Variants in IL2RA observed in about 807,000 individuals in gnomAD.
IL2RA encodes the protein interleukin-2 receptor subunit alpha.
A neutral mutation model predicts 37.8 loss-of-function variants in IL2RA; 24 were observed. The ratio of observed to expected loss-of-function variants is 0.63; its 90% CI spans 0.46 to 0.89. The LOEUF (loss-of-function observed/expected upper bound fraction) is 0.89, where lower values mean the gene tolerates loss of function less well. Among genes scored for constraint, IL2RA ranks in the 40% least tolerant of loss-of-function variants. IL2RA has a pLI of 0.00. For missense variants in IL2RA, 319 were observed against 348.6 expected (o/e 0.92, Z 0.68); for synonymous variants, 125 against 114.6 (o/e 1.09, Z -0.58).
At position 6,047,753 on chromosome 10, in the gene IL2RA, A is replaced by G. The variant is rs1839888961; in HGVS notation, c.64+14335T>C. 6.7e-6 allele frequency among the ~76,000 whole-genome samples: 1 copy of G among 149,404 alleles called. No individual in the cohort carries two copies. Among genetic ancestry groups the G allele is most frequent in the Non-Finnish European group, 1.5e-5 (1 of 67,488 alleles). ...ATAATTATACAGATATATAATAAGC[A>G]ATTAGGGTATGTTATATAAAATACT... On this transcript the variant is annotated intron_variant, in intron 1 of 7. Coordinates refer to ENST00000379959, the MANE Select transcript of IL2RA (RefSeq NM_000417.3). This position sits in a 1 kb window ranked among gnomAD's most constrained non-coding sequence, Gnocchi z 5.0.
chr10:6,016,265 A>G (rs1277989802), intron 7 of IL2RA, among the ~76,000 whole-genome samples: 1 of 152,178 alleles, frequency 6.6e-6, no homozygotes. Context: ...CTGCCACAGG[A>G]TGACGTAGCA....
In IL2RA at chr10:6,025,844, G is replaced by A. The variant is rs774803573; in HGVS notation, c.246C>T (p.Cys82=). 2.5e-6 allele frequency: 4 copies of A among 1,614,104 alleles called. No individual in the cohort carries two copies. The Admixed American group carries it at 6.7e-5, about 27-fold the overall frequency. Residue 82 remains cysteine (C), a synonymous_variant, in exon 2 of 8, where the codon TGC becomes TGT. Coordinates refer to ENST00000379959, the MANE Select transcript of IL2RA (RefSeq NM_000417.3). The surrounding 1 kb of genome is among the most constrained non-coding windows in gnomAD (Gnocchi z 4.4). ...SHSSWDNQCQ[C]TSSATRNTTK... ...AGAAGGGACACTTACCAGAGCTTGT[G>A]CATTGACATTGGTTGTCCCAGGACG... is the stretch of plus-strand genomic sequence containing the variant.
At chr10:6,053,515 G>A (rs192088765) in intron 1 of IL2RA, among the ~76,000 whole-genome samples, 55 of 152,254 alleles carry the variant, frequency 3.6e-4, no homozygotes, top group Middle Eastern at 3.4e-3. Context: ...GCATGGGCCG[G>A]CTTTAACCAG....
chr10:6,018,684 A>G lies in IL2RA; in HGVS notation c.728-565T>C, dbSNP rs1307951238. ...CAGAGGCCCGGGGTACAGCCCTTCC[A>G]GATCAGCTTGAGAGGAGCTGATAGG... On this transcript the variant is annotated intron_variant, in intron 6 of 7. Transcript: ENST00000379959. The surrounding 1 kb of genome is among the most constrained non-coding windows in gnomAD (Gnocchi z 5.1). 6.6e-6 allele frequency among the ~76,000 whole-genome samples: 1 copy of G among 152,166 alleles called. No homozygotes were observed. The highest frequency in any genetic ancestry group is 1.5e-5 in the Non-Finnish European group (1 of 68,028).
At chr10:6,045,552 C>A (rs917538212) in intron 1 of IL2RA, among the ~76,000 whole-genome samples, 1 of 152,128 alleles carries the variant, frequency 6.6e-6, no homozygotes, top group African/African-American at 2.4e-5. Flanking sequence ...AAGCTCACCA[C>A]AGAATGTCAA....
rs1840007898 is a variant in IL2RA, at chr10:6,054,197, C to A, written c.64+7891G>T. On this transcript the variant is annotated intron_variant, in intron 1 of 7. Coordinates refer to ENST00000379959, the MANE Select transcript of IL2RA (RefSeq NM_000417.3). The surrounding 1 kb of genome is among the most constrained non-coding windows in gnomAD (Gnocchi z 4.5). ...GCAGGCGGAGCTGCTGGTCAAAAAC[C>A]CCCCGGGGAACTGGTTGGGTGTGGG... Among the ~76,000 whole-genome samples the A allele has an allele frequency of 6.6e-6, 1 of 152,188 alleles. No individual in the cohort carries two copies. Among genetic ancestry groups the A allele is most frequent in the Admixed American group, 6.5e-5 (1 of 15,278 alleles).
chr10:6,049,449 G>A (rs1357931249), intron 1 of IL2RA, among the ~76,000 whole-genome samples: 1 of 152,190 alleles, frequency 6.6e-6, no homozygotes, highest in East Asian at 1.9e-4. Flanking sequence ...CCCCCAGAGA[G>A]ACTGTTTAGC....
At chr10:6,027,377 CCAA>C (rs12722564) in intron 1 of IL2RA, among the ~76,000 whole-genome samples, 21,352 of 151,198 alleles carry the variant, frequency 0.14, 1,563 homozygotes, top group Non-Finnish European at 0.16. Flanking sequence ...CCATCTCTAA[CCAA>C]CAAGGGACTA....
At position 6,033,617 on chromosome 10, in the gene IL2RA, T is replaced by C. The variant is rs544283567; in HGVS notation, c.65-7592A>G. 5.3e-5 allele frequency among the ~76,000 whole-genome samples: 8 copies of C among 152,238 alleles called. No homozygotes were observed. The South Asian group carries it at 1.4e-3, about 28-fold the overall frequency. On this transcript the variant is annotated intron_variant, in intron 1 of 7. Coordinates refer to ENST00000379959, the MANE Select transcript of IL2RA (RefSeq NM_000417.3). This position sits in a 1 kb window ranked among gnomAD's most constrained non-coding sequence, Gnocchi z 4.3. The stretch of plus-strand genomic sequence containing the variant: ...ATAGAAACCATTCAAAAATAAAAAA[T>C]AATGAACTATTGATACAGGCAATAT...
rs1431908541 is a variant in IL2RA at position 6,056,151 on chromosome 10, T to A, written c.64+5937A>T. Among the ~76,000 whole-genome samples the A allele has an allele frequency of 6.6e-6, 1 of 152,170 alleles. No homozygotes were observed. Among genetic ancestry groups the A allele is most frequent in the African/African-American group, 2.4e-5 (1 of 41,438 alleles). ...TGAGTTACTTGAGAATATGGTGGGGTATTCAGTGGGGGCTATTGGCAAACA... is the reference window on the plus strand; with the variant it reads ...TGAGTTACTTGAGAATATGGTGGGGAATTCAGTGGGGGCTATTGGCAAACA... On this transcript the variant is annotated intron_variant, in intron 1 of 7. Transcript: ENST00000379959. This position sits in a 1 kb window ranked among gnomAD's most constrained non-coding sequence, Gnocchi z 5.0.
At chr10:6,039,742 T>C (rs956253476) in intron 1 of IL2RA, 3 of 152,240 alleles carry the variant, frequency 2.0e-5, no homozygotes, top group African/African-American at 7.2e-5. Flanking sequence ...AGATGCTCCG[T>C]CTGTAACACG....
At chr10:6,013,414 T>G (rs1839223995) in intron 7 of IL2RA, among the ~76,000 whole-genome samples, 1 of 152,238 alleles carries the variant, frequency 6.6e-6, no homozygotes, top group Non-Finnish European at 1.5e-5. Context: ...GGCTAGTGGC[T>G]ACTGTATTGG....
chr10:6,024,330 A>G lies in IL2RA; in HGVS notation c.281T>C (p.Val94Ala), dbSNP rs761978980. 3 of 1,613,806 alleles carry G rather than the reference A, an allele frequency of 1.9e-6. No homozygotes were observed. The South Asian group carries it at 3.3e-5, about 18-fold the overall frequency. Reference sequence around the variant, plus strand: ...TTTCTGTTCTTCAGGTTGAGGTGTCACTTGTTTCGTTGTGTTCCGAGTGGC... The same window carrying G: ...TTTCTGTTCTTCAGGTTGAGGTGTCGCTTGTTTCGTTGTGTTCCGAGTGGC... ...SSATRNTTKQ[V>A]TPQPEEQKER... Residue 94 changes from valine to alanine, a missense_variant, in exon 3 of 8, where the codon GTG becomes GCG. Physicochemically the swap from Val to Ala is moderately conservative, Grantham distance 64 (BLOSUM62 0). Transcript: ENST00000379959.
At chr10:6,053,747 G>A (rs1840001365) in intron 1 of IL2RA, among the ~76,000 whole-genome samples, 1 of 152,164 alleles carries the variant, frequency 6.6e-6, no homozygotes. Flanking sequence ...CTCCCCTCTT[G>A]GCCCCCCAAA....
intron 1 of IL2RA, 91 bp from the exon 2 acceptor site, chr10:6,026,116 T>C (rs1477765543): frequency 7.6e-7 from 1 of 1,313,740 alleles, no homozygotes; most frequent in East Asian, 2.3e-5. Context: ...CACATATTTC[T>C]TCACTTTATT....
intron 1 of IL2RA, among the ~76,000 whole-genome samples, chr10:6,055,342 G>A (rs895366600): frequency 6.6e-6 from 1 of 152,074 alleles, no homozygotes; most frequent in East Asian, 1.9e-4. Flanking sequence ...CAAGGAACTG[G>A]AAGGGAAGGT....
In IL2RA at chr10:6,032,488, G is replaced by T. The variant is rs4747846; in HGVS notation, c.65-6463C>A. 1.2e-4 allele frequency among the ~76,000 whole-genome samples: 18 copies of T among 151,716 alleles called. 1 individual carries two copies. Among genetic ancestry groups the T allele is most frequent in the African/African-American group, 4.1e-4 (17 of 41,322 alleles). The stretch of plus-strand genomic sequence containing the variant: ...CGGGCAGATCACAAGGTCAGGAGAT[G>T]GAGACCATCCTGGCTAACACGGTGA... On this transcript the variant is annotated intron_variant, in intron 1 of 7. Coordinates refer to ENST00000379959, the MANE Select transcript of IL2RA (RefSeq NM_000417.3).
chr10:6,012,988 C>T lies in IL2RA; in HGVS notation c.795-92G>A, dbSNP rs7076103. 0.16 allele frequency: 190,909 copies of T among 1,216,760 alleles called. 16,508 individuals carry two copies. The highest frequency in any genetic ancestry group is 0.28 in the Admixed American group (16,182 of 58,772). 75.4% of individuals were successfully genotyped at this position (1,216,760 alleles called of 1,614,324 possible). Reference sequence around the variant, plus strand: ...CTAAACCAGTGCACACGCCACCATGCCTGGCTAATTTTTGTATTTTTAGTA... The same window carrying T: ...CTAAACCAGTGCACACGCCACCATGTCTGGCTAATTTTTGTATTTTTAGTA... On this transcript the variant is annotated intron_variant, in intron 7 of 7. Transcript: ENST00000379959. This position sits in a 1 kb window ranked among gnomAD's most constrained non-coding sequence, Gnocchi z 4.8.
chr10:6,048,657 G>A lies in IL2RA; in HGVS notation c.64+13431C>T, dbSNP rs757419254. ...CCTACCCTCATGGACTTCCATGGAGGTTACTCAATGCCCTATGGGTTTGCC... is the reference window on the plus strand; with the variant it reads ...CCTACCCTCATGGACTTCCATGGAGATTACTCAATGCCCTATGGGTTTGCC... On this transcript the variant is annotated intron_variant, in intron 1 of 7. Coordinates refer to ENST00000379959, the MANE Select transcript of IL2RA (RefSeq NM_000417.3). This position sits in a 1 kb window ranked among gnomAD's most constrained non-coding sequence, Gnocchi z 5.3. Among the ~76,000 whole-genome samples the A allele has an allele frequency of 2.0e-5, 3 of 152,222 alleles. No homozygotes were observed. The highest frequency in any genetic ancestry group is 4.4e-5 in the Non-Finnish European group (3 of 68,044).
Sources: gnomAD v4.1 joint callset for allele counts (sites outside exome capture counted in the v4.1 genomes callset) on GRCh38, gnomAD v4.1.1 for gene constraint, Gnocchi (gnomAD v3.1) non-coding constraint, MANE v1.5 for transcripts, NCBI Gene and HGNC (gene_info 2026-07-23, HGNC 2026-07-21) for gene names.